Variants in MCU observed in about 807,000 individuals in gnomAD.
MCU encodes the protein mitochondrial calcium uniporter.
MCU carries 12 observed loss-of-function variants against 45.2 expected under a neutral mutation model. That is an observed-to-expected ratio of 0.27 (90% confidence interval 0.17 to 0.43). The LOEUF (loss-of-function observed/expected upper bound fraction) is 0.43, where lower values mean the gene tolerates loss of function less well. Ranked by LOEUF, MCU falls within the 20% of genes least tolerant of loss-of-function variation. MCU has a pLI of 1.00. For missense variants in MCU, 324 were observed against 436.7 expected (o/e 0.74, Z 2.30); for synonymous variants, 160 against 165.1 (o/e 0.97, Z 0.24).
At chr10:72,848,294 A>G (rs1845152707) in intron 2 of MCU, among the ~76,000 whole-genome samples, 1 of 152,196 alleles carries the variant, frequency 6.6e-6, no homozygotes, top group African/African-American at 2.4e-5. Flanking sequence ...TAATTTATGA[A>G]GAAAAGATTG....
At chr10:72,763,360 GAGC>G (rs1335473040) in intron 1 of MCU, among the ~76,000 whole-genome samples, 1 of 152,116 alleles carries the variant, frequency 6.6e-6, no homozygotes, top group Admixed American at 6.6e-5. Context: ...AAGCTTCGAG[GAGC>G]AGATCAGCTG....
chr10:72,702,333 A>G (rs942998956), intron 1 of MCU, among the ~76,000 whole-genome samples: 1 of 152,242 alleles, frequency 6.6e-6, no homozygotes, highest in Admixed American at 6.5e-5. Context: ...AGTTGCTTCT[A>G]TACCAGATAC....
chr10:72,784,230 T>G (rs1844039037), intron 1 of MCU, among the ~76,000 whole-genome samples: 1 of 152,230 alleles, frequency 6.6e-6, no homozygotes, highest in Non-Finnish European at 1.5e-5. Flanking sequence ...TCAGAGAGAT[T>G]ACTTTGAATT....
intron 1 of MCU, among the ~76,000 whole-genome samples, chr10:72,737,596 T>G (rs1051089310): frequency 1.3e-5 from 2 of 151,768 alleles, no homozygotes; most frequent in Admixed American, 1.3e-4. Context: ...CTCAGCTCAC[T>G]GCAACTTCCA....
intron 1 of MCU, among the ~76,000 whole-genome samples, chr10:72,701,401 GAA>G (rs1435499332): frequency 6.6e-6 from 1 of 152,220 alleles, no homozygotes; most frequent in African/African-American, 2.4e-5. Context: ...GCTAGAGTGA[GAA>G]CTGTACTGTT....
chr10:72,883,328 AT>A (rs1845733988), intron 6 of MCU, among the ~76,000 whole-genome samples: 2 of 152,208 alleles, frequency 1.3e-5, no homozygotes, highest in African/African-American at 4.8e-5. Context: ...TGACTATATT[AT>A]AAACCATTGA....
At chr10:72,709,878 G>T (rs1461647624) in intron 1 of MCU, among the ~76,000 whole-genome samples, 1 of 152,128 alleles carries the variant, frequency 6.6e-6, no homozygotes, top group Non-Finnish European at 1.5e-5. Context: ...TAAGTTTAAT[G>T]TCTCATCCTG....
intron 1 of MCU, among the ~76,000 whole-genome samples, chr10:72,765,200 T>C (rs915497121): frequency 6.6e-6 from 1 of 152,088 alleles, no homozygotes; most frequent in Non-Finnish European, 1.5e-5. Flanking sequence ...GTTGATAGCA[T>C]AGTGCAGTTA....
At chr10:72,866,305 T>G (rs1453638777) in intron 4 of MCU, among the ~76,000 whole-genome samples, 1 of 152,182 alleles carries the variant, frequency 6.6e-6, no homozygotes, top group Non-Finnish European at 1.5e-5. Context: ...GTTCCATTCC[T>G]CTGCCCCGTG....
intron 1 of MCU, among the ~76,000 whole-genome samples, chr10:72,764,273 C>G (rs1843695903): frequency 6.6e-6 from 1 of 152,104 alleles, no homozygotes; most frequent in Non-Finnish European, 1.5e-5. Context: ...CCAAATAGCC[C>G]ATTATTCAAT....
chr10:72,875,759 G>A (rs1845607542), intron 6 of MCU, among the ~76,000 whole-genome samples: 1 of 152,158 alleles, frequency 6.6e-6, no homozygotes, highest in Non-Finnish European at 1.5e-5. Flanking sequence ...ATTGAGTTTT[G>A]CTGATTAATA....
chr10:72,855,917 C>G (rs912632126), intron 2 of MCU, among the ~76,000 whole-genome samples: 3 of 152,132 alleles, frequency 2.0e-5, no homozygotes, highest in Non-Finnish European at 4.4e-5. Flanking sequence ...ACTATGAAAA[C>G]ATGTCACACA....
chr10:72,739,877 CT>C (rs1026817275), intron 1 of MCU, among the ~76,000 whole-genome samples: 17 of 151,710 alleles, frequency 1.1e-4, no homozygotes, highest in Non-Finnish European at 2.4e-4. Flanking sequence ...GGGTTTCACC[CT>C]GTTTGCCAGC....
At chr10:72,733,680 CATAT>C (rs139729772) in intron 1 of MCU, among the ~76,000 whole-genome samples, 7 of 84,774 alleles carry the variant, frequency 8.3e-5, no homozygotes, top group African/African-American at 9.5e-5. Flanking sequence ...ATATATGTTT[CATAT>C]ATATATATAT....
intron 6 of MCU, among the ~76,000 whole-genome samples, chr10:72,881,976 G>A (rs1845709724): frequency 6.6e-6 from 1 of 152,236 alleles, no homozygotes; most frequent in African/African-American, 2.4e-5. Context: ...ACCCCAAACG[G>A]AGGGACCGGC....
intron 2 of MCU, among the ~76,000 whole-genome samples, chr10:72,847,014 C>G (rs541911814): frequency 1.3e-5 from 2 of 152,192 alleles, no homozygotes; most frequent in Non-Finnish European, 2.9e-5. Context: ...CCCTGTCGCC[C>G]GGGCTGGAGT....
rs61864402 is a variant in MCU, at chr10:72,713,470, G to A, written c.150+21169G>A. On this transcript the variant is annotated intron_variant, in intron 1 of 7. Transcript: ENST00000373053. ...AGTTTTAGTATTTTTAGTAGAGATGGGACTTCACCATGTTGGCCAGGCTGG... is the reference window on the plus strand; with the variant it reads ...AGTTTTAGTATTTTTAGTAGAGATGAGACTTCACCATGTTGGCCAGGCTGG... 9.8e-3 allele frequency among the ~76,000 whole-genome samples: 1,491 copies of A among 152,248 alleles called. 16 individuals carry two copies. The highest frequency in any genetic ancestry group is 0.016 in the Non-Finnish European group (1,099 of 68,004).
intron 1 of MCU, among the ~76,000 whole-genome samples, chr10:72,705,756 G>A (rs1367653838): frequency 6.6e-6 from 1 of 151,986 alleles, no homozygotes; most frequent in Non-Finnish European, 1.5e-5. Context: ...GGTGAAGGTT[G>A]CAGTGAGCTG....
intron 1 of MCU, among the ~76,000 whole-genome samples, chr10:72,696,960 G>A (rs1479283105): frequency 6.6e-6 from 1 of 152,096 alleles, no homozygotes; most frequent in Non-Finnish European, 1.5e-5. Context: ...TAGCTCAGCA[G>A]TGGTCATTAG....
Sources: allele counts gnomAD v4.1 joint callset (sites outside exome capture counted in the v4.1 genomes callset), GRCh38; gene constraint gnomAD v4.1.1; transcripts MANE v1.5; gene names NCBI Gene and HGNC (gene_info 2026-07-23, HGNC 2026-07-21).